Variants in SSBP3 observed in about 807,000 individuals in gnomAD.
The protein encoded by SSBP3 is single stranded DNA binding protein 3.
Under a neutral mutation model 69.6 loss-of-function variants are expected in SSBP3, and 5 were observed. That is an observed-to-expected ratio of 0.07 (90% CI 0.04 to 0.15). The LOEUF is 0.15. Among genes scored for constraint, SSBP3 ranks in the 10% least tolerant of loss-of-function variants. The pLI is 1.00. For synonymous variants in SSBP3, 196 were observed against 193.4 expected, an observed-to-expected ratio of 1.01 and a Z score of -0.11; for missense variants, 312 against 534.0, an observed-to-expected ratio of 0.58 and a Z score of 4.10.
At chr1:54,378,246 GT>G (rs1211553716) in intron 4 of SSBP3, among the ~76,000 whole-genome samples, 3 of 152,286 alleles carry the variant, frequency 2.0e-5, no homozygotes, top group African/African-American at 7.2e-5. Context: ...CCAACTTACA[GT>G]TTTTCCTTCT....
chr1:54,373,405 C>T (rs747022869), intron 4 of SSBP3, among the ~76,000 whole-genome samples: 16 of 152,112 alleles, frequency 1.1e-4, no homozygotes, highest in Admixed American at 9.8e-4. Context: ...ACGAATCCAG[C>T]CAATCTGGGC....
At chr1:54,241,097 C>G (rs1644629335) in intron 12 of SSBP3, 138 bp from the exon 13 acceptor site, 2 of 942,956 alleles carry the variant, frequency 2.1e-6, no homozygotes, top group Admixed American at 5.6e-5. Flanking sequence ...ACCCCCAGCG[C>G]TCACTCAAAG....
At chr1:54,410,552 T>C (rs1478538249), upstream of SSBP3, among the ~76,000 whole-genome samples, 1 of 152,220 alleles carries the variant, frequency 6.6e-6, no homozygotes, top group Admixed American at 6.5e-5. Flanking sequence ...CGCTCAGTCC[T>C]AGAATTGCAC....
chr1:54,339,859 A>G (rs1052744999), intron 4 of SSBP3, among the ~76,000 whole-genome samples: 2 of 152,184 alleles, frequency 1.3e-5, no homozygotes, highest in Non-Finnish European at 2.9e-5. Context: ...GGTTGCAGTG[A>G]GCTGAGATCG....
At chr1:54,242,207 G>C in exon 11 of SSBP3, 6 of 1,613,732 alleles carry the variant, frequency 3.7e-6, no homozygotes, top group Non-Finnish European at 4.2e-6. Flanking sequence ...GCCAGCTCCC[G>C]GGCCCCTGAG....
chr1:54,312,446 G>C (rs1003786044), intron 4 of SSBP3, among the ~76,000 whole-genome samples: 4 of 151,904 alleles, frequency 2.6e-5, no homozygotes, highest in Non-Finnish European at 5.9e-5. Flanking sequence ...AAATTAGCCG[G>C]GTGTGGTGGC....
chr1:54,242,921 G>C (rs1644666205), intron 10 of SSBP3: 2 of 273,396 alleles, frequency 7.3e-6, no homozygotes, highest in Non-Finnish European at 1.4e-5. Context: ...CTGTACTCCA[G>C]CCTGGACAAC....
At chr1:54,369,502 C>CA (rs979705211) in intron 4 of SSBP3, among the ~76,000 whole-genome samples, 91 of 150,568 alleles carry the variant, frequency 6.0e-4, no homozygotes, top group East Asian at 1.7e-3. Flanking sequence ...GTTATGTGAT[C>CA]AAAAAAAAAG....
chr1:54,235,308 G>C (rs1644469637), intron 14 of SSBP3, among the ~76,000 whole-genome samples: 1 of 134,402 alleles, frequency 7.4e-6, no homozygotes, highest in Non-Finnish European at 1.5e-5. Context: ...TTGAGACAGA[G>C]TCTCACTCTG....
chr1:54,324,639 G>A (rs1218705240), intron 4 of SSBP3, among the ~76,000 whole-genome samples: 1 of 147,714 alleles, frequency 6.8e-6, no homozygotes, highest in Non-Finnish European at 1.5e-5. Flanking sequence ...AAATGGGTCC[G>A]TTTTTCACCC....
At chr1:54,371,253 T>A (rs1647128333) in intron 4 of SSBP3, among the ~76,000 whole-genome samples, 1 of 152,212 alleles carries the variant, frequency 6.6e-6, no homozygotes, top group African/African-American at 2.4e-5. Flanking sequence ...GAGTTAAGAT[T>A]AGGTTTAGAG....
intron 4 of SSBP3, among the ~76,000 whole-genome samples, chr1:54,297,679 C>T (rs1420228417): frequency 1.3e-5 from 2 of 152,170 alleles, no homozygotes; most frequent in African/African-American, 4.8e-5. Context: ...ACGCCACCAT[C>T]CCCATCACCC....
chr1:54,233,783 C>T (rs1181443283), intron 14 of SSBP3, among the ~76,000 whole-genome samples: 12 of 152,082 alleles, frequency 7.9e-5, no homozygotes, highest in East Asian at 2.0e-4. Context: ...GCCCCCTGCC[C>T]GGCCAGCCGC....
intron 4 of SSBP3, among the ~76,000 whole-genome samples, chr1:54,395,377 T>C (rs1233830424): frequency 6.6e-6 from 1 of 152,242 alleles, no homozygotes; most frequent in Non-Finnish European, 1.5e-5. Flanking sequence ...TTCCTACTGA[T>C]GCCAAGCTGC....
chr1:54,268,608 G>A (rs1373146761), intron 5 of SSBP3, among the ~76,000 whole-genome samples: 4 of 152,364 alleles, frequency 2.6e-5, no homozygotes, highest in East Asian at 1.9e-4. Flanking sequence ...GGCTAAGAAC[G>A]GAACAGCAAA....
intron 14 of SSBP3, 106 bp downstream of exon 14, chr1:54,239,023 G>T (rs1644555885): frequency 5.0e-6 from 5 of 1,005,886 alleles, no homozygotes; most frequent in South Asian, 1.4e-5. Flanking sequence ...TTCATCTTTG[G>T]TAACAAATGG....
intron 4 of SSBP3, among the ~76,000 whole-genome samples, chr1:54,390,266 G>A (rs1029758800): frequency 2.6e-5 from 4 of 151,998 alleles, no homozygotes; most frequent in African/African-American, 7.3e-5. Flanking sequence ...TAATGCTGTC[G>A]TTTAGAAATT....
chr1:54,277,819 C>T (rs544350763), intron 5 of SSBP3, among the ~76,000 whole-genome samples: 1 of 152,246 alleles, frequency 6.6e-6, no homozygotes, highest in Non-Finnish European at 1.5e-5. Context: ...GAAATTCTTA[C>T]TGGACAGTGT....
chr1:54,287,218 G>T (rs1277513029), intron 4 of SSBP3: 1 of 152,214 alleles, frequency 6.6e-6, no homozygotes, highest in Non-Finnish European at 1.5e-5. Flanking sequence ...TGGGACTCCT[G>T]CCAGGTCGGC....
Sources: gnomAD v4.1 joint callset for allele counts (sites outside exome capture counted in the v4.1 genomes callset) on GRCh38, gnomAD v4.1.1 for gene constraint, MANE v1.5 for transcripts, NCBI Gene and HGNC (gene_info 2026-07-23, HGNC 2026-07-21) for gene names.